HDAC9: variants seen among roughly 807,000 people sequenced by gnomAD.
The protein encoded by HDAC9 is histone deacetylase 9.
Under a neutral mutation model 139.4 loss-of-function variants are expected in HDAC9, and 41 were observed. That is an observed-to-expected ratio of 0.29 (90% confidence interval 0.23 to 0.38). The LOEUF is 0.38. Among genes scored for constraint, HDAC9 ranks in the 10% least tolerant of loss-of-function variants. The pLI is 1.00. For synonymous variants in HDAC9, 517 were observed against 476.2 expected, an observed-to-expected ratio of 1.09 and a Z score of -1.12; for missense variants, 1,147 against 1,297.0, an observed-to-expected ratio of 0.88 and a Z score of 1.78.
At chr7:18,780,287 AC>A (rs1222479654) in intron 16 of HDAC9, among the ~76,000 whole-genome samples, 1 of 152,088 alleles carries the variant, frequency 6.6e-6, no homozygotes, top group Non-Finnish European at 1.5e-5. Context: ...GTGTGATAGT[AC>A]TTTATCCAAA....
At chr7:18,923,446 A>C (rs1470662490) in intron 22 of HDAC9, among the ~76,000 whole-genome samples, 1 of 152,016 alleles carries the variant, frequency 6.6e-6, no homozygotes, top group Non-Finnish European at 1.5e-5. Flanking sequence ...AATGGCTAGC[A>C]TAGTGCTTTT....
intron 17 of HDAC9, among the ~76,000 whole-genome samples, chr7:18,798,916 A>C (rs1206149325): frequency 6.6e-6 from 1 of 152,098 alleles, no homozygotes; most frequent in East Asian, 1.9e-4. Context: ...GTTCCTACTC[A>C]GGAAAGACCT....
chr7:18,650,863 T>A (rs952695480), intron 11 of HDAC9, among the ~76,000 whole-genome samples: 6 of 152,184 alleles, frequency 3.9e-5, no homozygotes, highest in African/African-American at 1.4e-4. Context: ...GGTGTTTAGA[T>A]GACTCAAGCA....
chr7:18,594,797 AC>A (rs1416904405), intron 6 of HDAC9, among the ~76,000 whole-genome samples: 3 of 152,058 alleles, frequency 2.0e-5, no homozygotes, highest in African/African-American at 4.8e-5. Context: ...CTAAATCTCA[AC>A]GTTGTTTGCC....
intron 17 of HDAC9, among the ~76,000 whole-genome samples, chr7:18,810,032 C>A (rs994725902): frequency 9.9e-5 from 15 of 151,868 alleles, no homozygotes; most frequent in African/African-American, 3.6e-4. Flanking sequence ...GAATCTTATT[C>A]AGCCTTTAAA....
chr7:18,340,876 T>G (rs1158148990), intron 1 of HDAC9, among the ~76,000 whole-genome samples: 1 of 151,648 alleles, frequency 6.6e-6, no homozygotes, highest in Non-Finnish European at 1.5e-5. Context: ...CTTGAAGGAC[T>G]TCCTTAAACA....
At chr7:18,688,519 A>G (rs1163532645) in intron 12 of HDAC9, among the ~76,000 whole-genome samples, 1 of 151,896 alleles carries the variant, frequency 6.6e-6, no homozygotes, top group Non-Finnish European at 1.5e-5. Flanking sequence ...CCTGAAGGTT[A>G]CATGTTTATT....
At chr7:18,097,025 T>A (rs1782550911) in intron 1 of HDAC9, among the ~76,000 whole-genome samples, 1 of 152,150 alleles carries the variant, frequency 6.6e-6, no homozygotes, top group East Asian at 1.9e-4. Flanking sequence ...GGAAATATTC[T>A]ATGTCTATGC....
chr7:18,616,220 T>C (rs1006901455), intron 6 of HDAC9, among the ~76,000 whole-genome samples: 1 of 152,236 alleles, frequency 6.6e-6, no homozygotes, highest in African/African-American at 2.4e-5. Context: ...CTTTACCACC[T>C]AATGTGATAC....
Position 18,587,423 on chromosome 7 carries a change from AG to A in HDAC9, c.264+1903del, listed in dbSNP as rs531852635. On this transcript the variant is annotated intron_variant, in intron 3 of 25. Transcript: ENST00000686413. ...ATAATTAATATTACTTTTTCAGATT[AG>A]GAAGTTTTTTGATTTTTAGAATTTT... Among the ~76,000 whole-genome samples the A allele has an allele frequency of 1.1e-3, 171 of 152,192 alleles. 1 individual carries two copies. The highest frequency in any genetic ancestry group is 2.1e-3 in the Non-Finnish European group (144 of 68,024).
intron 6 of HDAC9, among the ~76,000 whole-genome samples, chr7:18,609,070 TTATA>T (rs1384407170): frequency 6.6e-6 from 1 of 152,186 alleles, no homozygotes; most frequent in African/African-American, 2.4e-5. Flanking sequence ...TTTAATGTCA[TTATA>T]TATATTTTGA....
chr7:18,377,440 G>A (rs1399328815), intron 1 of HDAC9, among the ~76,000 whole-genome samples: 1 of 152,124 alleles, frequency 6.6e-6, no homozygotes, highest in Non-Finnish European at 1.5e-5. Flanking sequence ...CTAGTCAGTA[G>A]TATTTATTAA....
chr7:18,630,256 T>C (rs1781922169), intron 7 of HDAC9, among the ~76,000 whole-genome samples: 1 of 152,132 alleles, frequency 6.6e-6, no homozygotes, highest in African/African-American at 2.4e-5. Flanking sequence ...TTGTTTCCTT[T>C]GGTTGCATGA....
intron 1 of HDAC9, among the ~76,000 whole-genome samples, chr7:18,099,302 A>G (rs577717961): frequency 2.0e-5 from 3 of 152,172 alleles, no homozygotes; most frequent in Admixed American, 6.5e-5. Context: ...TCTACTAAAA[A>G]TACAAAAAAG....
intron 1 of HDAC9, among the ~76,000 whole-genome samples, chr7:18,475,705 T>C (rs1795062509): frequency 6.6e-6 from 1 of 152,228 alleles, no homozygotes; most frequent in African/African-American, 2.4e-5. Context: ...AGTGGAGTCA[T>C]GTTTTACCAG....
exon 2 of HDAC9, chr7:18,162,249 T>C: frequency 7.3e-6 from 10 of 1,367,128 alleles, no homozygotes; most frequent in South Asian, 1.2e-5. Context: ...TGCCAACCCC[T>C]CCTGGACCAT....
rs56249427 is a variant in HDAC9 at position 18,859,811 on chromosome 7, CATATATATATATATATATATAT to C, written c.2685-14640_2685-14619del. On this transcript the variant is annotated intron_variant, in intron 21 of 25. Transcript: ENST00000686413. ...GAAGAAATATAAAGGCTAACGCTCT[CATATATATATATATATATATAT>C]ATATATATATATATATATATATATA... 8.2e-3 allele frequency among the ~76,000 whole-genome samples: 368 copies of C among 44,842 alleles called. 6 individuals carry two copies. The highest frequency in any genetic ancestry group is 0.019 in the African/African-American group (295 of 15,170). 29.4% of individuals were successfully genotyped at this position (44,842 alleles called of 152,430 possible). A position where few individuals can be genotyped will look rare whatever the true frequency, so the allele number is the denominator to read the frequency against.
At chr7:18,830,094 G>T (rs771437213) in intron 19 of HDAC9, among the ~76,000 whole-genome samples, 3 of 152,128 alleles carry the variant, frequency 2.0e-5, no homozygotes, top group Non-Finnish European at 2.9e-5. Flanking sequence ...GATTAGTCTT[G>T]TATTTTAACG....
chr7:18,528,049 G>A (rs1000299404), intron 2 of HDAC9, among the ~76,000 whole-genome samples: 1 of 152,034 alleles, frequency 6.6e-6, no homozygotes, highest in Non-Finnish European at 1.5e-5. Context: ...CCAGCAATTT[G>A]GGAGGGCGAG....
Sources: allele counts gnomAD v4.1 joint callset (sites outside exome capture counted in the v4.1 genomes callset), GRCh38; gene constraint gnomAD v4.1.1; transcripts MANE v1.5; gene names NCBI Gene and HGNC (gene_info 2026-07-23, HGNC 2026-07-21).